BDP1: variants seen among roughly 807,000 people sequenced by gnomAD.
BDP1 encodes the protein transcription factor TFIIIB component B'' homolog.
In BDP1, 169 loss-of-function variants were observed where a neutral mutation model predicts 266.6. That is an observed-to-expected ratio of 0.63 (90% CI 0.56 to 0.72). The LOEUF is 0.72. BDP1 is among the 30% of genes least tolerant of loss of function. BDP1 has a pLI of 0.00. For synonymous variants in BDP1, 1,090 were observed against 1,022.4 expected (o/e 1.07, Z -1.26); for missense variants, 3,015 against 3,053.8 (o/e 0.99, Z 0.30).
chr5:71,533,430 C>T (rs958535315), intron 26 of BDP1, among the ~76,000 whole-genome samples: 6 of 151,614 alleles, frequency 4.0e-5, no homozygotes, highest in African/African-American at 9.7e-5. Flanking sequence ...CATGTCCTTG[C>T]CGGCACTTGT....
Position 71,549,571 on chromosome 5 carries a change from C to T in BDP1, c.6960C>T (p.Val2320=), listed in dbSNP as rs369151682. 8.1e-6 allele frequency: 13 copies of T among 1,611,402 alleles called. No homozygotes were observed. In the East Asian group the frequency reaches 2.0e-4, roughly 25 times the overall value. The change falls in exon 34 of 39, where the codon GTC becomes GTT. Residue 2320 remains valine, a synonymous_variant. Transcript: ENST00000358731. The part of the protein sequence containing the change: ...PNPLLPAPIL[V]KSVNTEERGD... ...CTTTACTGCCAGCTCCCATATTGGT[C>T]AAATCAGTGAATACCGAAGAAAGGG...
chr5:71,477,639 T>C (rs1030704027), intron 7 of BDP1, among the ~76,000 whole-genome samples: 17 of 151,442 alleles, frequency 1.1e-4, no homozygotes, highest in Non-Finnish European at 2.5e-4. Flanking sequence ...TTTTTTTTGA[T>C]ATAGGGTCTC....
chr5:71,472,388 G>A (rs1377130633), intron 7 of BDP1, among the ~76,000 whole-genome samples: 1 of 152,228 alleles, frequency 6.6e-6, no homozygotes, highest in Non-Finnish European at 1.5e-5. Context: ...CTGAACCCGG[G>A]AGGTGGAGGT....
intron 16 of BDP1, among the ~76,000 whole-genome samples, chr5:71,506,339 G>A (rs1363990473): frequency 6.6e-6 from 1 of 152,094 alleles, no homozygotes; most frequent in Admixed American, 6.6e-5. Flanking sequence ...ATCCTCAAAA[G>A]CAATTCTAAG....
intron 7 of BDP1, among the ~76,000 whole-genome samples, chr5:71,480,560 G>A (rs1384637411): frequency 8.8e-6 from 1 of 113,338 alleles, no homozygotes; most frequent in Admixed American, 1.1e-4. Context: ...GTGAGCCACT[G>A]TGCCCGGCCA....
Position 71,455,720 on chromosome 5 carries a change from G to T in BDP1, c.-158G>T. The T allele has an allele frequency of 1.6e-6, 1 of 638,212 alleles. No homozygotes were observed. The highest frequency in any genetic ancestry group is 2.7e-6 in the Non-Finnish European group (1 of 370,346). The allele number at this position is 638,212 out of a possible 1,614,324, so 39.5% of individuals were successfully genotyped here. A position where few individuals can be genotyped will look rare whatever the true frequency, so the allele number is the denominator to read the frequency against. Reference sequence around the variant, plus strand: ...GCGGCGGCGGCGGGAGAGAGGAGGAGGCGGCGGCGGGGCAGTGAAACTACG... The same window carrying T: ...GCGGCGGCGGCGGGAGAGAGGAGGATGCGGCGGCGGGGCAGTGAAACTACG... On this transcript the variant is annotated 5_prime_UTR_variant, in exon 1 of 39. In the 5' UTR this introduces an upstream ATG that the reference lacks. Coordinates refer to ENST00000358731, the MANE Select transcript of BDP1 (RefSeq NM_018429.3).
intron 16 of BDP1, among the ~76,000 whole-genome samples, chr5:71,508,156 G>T (rs188385598): frequency 6.6e-6 from 1 of 152,052 alleles, no homozygotes; most frequent in South Asian, 2.1e-4. Flanking sequence ...GTAGAGACAG[G>T]GTTTCATCAT....
Position 71,470,612 on chromosome 5 carries a change from A to G in BDP1, c.1014+123A>G, listed in dbSNP as rs114631548. On this transcript the variant is annotated intron_variant, in intron 7 of 38. Coordinates refer to ENST00000358731, the MANE Select transcript of BDP1 (RefSeq NM_018429.3). ...TCTTTTTTTTTTTTTTCATTGAGAC[A>G]GAGTTTCACTTTGTTGCCCAGGCTG... 714 of 669,862 alleles carry G rather than the reference A, an allele frequency of 1.1e-3. 8 individuals carry two copies. In the African/African-American group the frequency reaches 0.012, roughly 11 times the overall value. 41.5% of individuals were successfully genotyped at this position (669,862 alleles called of 1,614,324 possible).
rs1200678294 is a variant in BDP1, at chr5:71,495,083, A to T, written c.1641-167A>T. ...CTGGAGGTACAGTTTTTATAACATG[A>T]TGCAAGATGGATCATAGAAAAGCTA... On this transcript the variant is annotated intron_variant, in intron 11 of 38. Coordinates refer to ENST00000358731, the MANE Select transcript of BDP1 (RefSeq NM_018429.3). The T allele has an allele frequency of 7.2e-6, 3 of 416,670 alleles. No individual in the cohort carries two copies. The Admixed American group carries it at 1.2e-4, about 17-fold the overall frequency. 25.8% of individuals were successfully genotyped at this position (416,670 alleles called of 1,614,324 possible). A position where few individuals can be genotyped will look rare whatever the true frequency, so the allele number is the denominator to read the frequency against.
intron 8 of BDP1, among the ~76,000 whole-genome samples, chr5:71,484,888 A>G (rs1177855436): frequency 2.0e-5 from 3 of 152,068 alleles, no homozygotes; most frequent in African/African-American, 7.2e-5. Flanking sequence ...TAGCATGTAT[A>G]TTTATTTTAT....
At chr5:71,504,487 A>T in intron 15 of BDP1, 134 bp from the exon 16 acceptor site, 1 of 766,788 alleles carries the variant, frequency 1.3e-6, no homozygotes, top group East Asian at 2.8e-5. Flanking sequence ...AAAAAACATT[A>T]AAAGTATTTT....
intron 25 of BDP1, among the ~76,000 whole-genome samples, chr5:71,524,683 G>T (rs1471628018): frequency 6.7e-6 from 1 of 148,852 alleles, no homozygotes; most frequent in African/African-American, 2.5e-5. Flanking sequence ...TTCTCGCAGA[G>T]GGGGATTTGG....
In BDP1 at chr5:71,556,871, A is replaced by C; in HGVS notation, c.7201-15A>C. ...GATAAATTTCTAAATTTTTTTTTAAATTTTCTTAAAATAGGTGCACTCAAA... is the reference window on the plus strand; with the variant it reads ...GATAAATTTCTAAATTTTTTTTTAACTTTTCTTAAAATAGGTGCACTCAAA... On this transcript the variant is annotated splice_polypyrimidine_tract_variant and intron_variant, in intron 35 of 38. Transcript: ENST00000358731. 5 of 1,319,826 alleles carry C rather than the reference A, an allele frequency of 3.8e-6. No homozygotes were observed. The highest frequency in any genetic ancestry group is 5.1e-6 in the Non-Finnish European group (5 of 974,620). The allele number at this position is 1,319,826 out of a possible 1,614,324, so 81.8% of individuals were successfully genotyped here. A position where few individuals can be genotyped will look rare whatever the true frequency, so the allele number is the denominator to read the frequency against.
rs1373587799 is a variant in BDP1, at chr5:71,564,849, C to A, written c.7839C>A (p.Phe2613Leu). 1 of 1,610,164 alleles carries A rather than the reference C, an allele frequency of 6.2e-7. No homozygotes were observed. Residue 2613 changes from phenylalanine (F) to leucine (L), a missense_variant, in exon 39 of 39, where the codon TTC becomes TTA. Around this residue, in one of 3 missense-constraint regions of BDP1, gnomAD observed 629 missense variants for 632.5 expected, o/e 0.99. Transcript: ENST00000358731. Reference protein sequence around the residue: ...GEATTVSEYFFNDIFIEVDET... With the variant: ...GEATTVSEYFLNDIFIEVDET... ...CAACCACAGTCTCTGAATATTTCTT[C>A]AATGATATCTTCATTGAAGTGGATG...
rs576907975 is a variant in BDP1, at chr5:71,552,655, C to CA, written c.6996-454dup. On this transcript the variant is annotated intron_variant, in intron 34 of 38. Transcript: ENST00000358731. Reference sequence around the variant, plus strand: ...CAACACAGCGAAACCCCGTCTCCACCAAAAAAATACGAAAACCAGTCAGGT... The same window carrying CA: ...CAACACAGCGAAACCCCGTCTCCACCAAAAAAAATACGAAAACCAGTCAGGT... Among the ~76,000 whole-genome samples the CA allele has an allele frequency of 7.5e-4, 114 of 152,326 alleles. 1 individual carries two copies. The South Asian group carries it at 0.023, about 30-fold the overall frequency.
rs756315011 is a variant in BDP1, at chr5:71,510,752, A to G, written c.3660A>G (p.Val1220=). The G allele has an allele frequency of 4.3e-6, 7 of 1,614,156 alleles. No individual in the cohort carries two copies. The East Asian group carries it at 1.3e-4, about 31-fold the overall frequency. Residue 1220 remains valine (V), a synonymous_variant, in exon 17 of 39, where the codon GTA becomes GTG. Transcript: ENST00000358731. ...ATGGCCCAGAGGAGGTCAAGCCTGT[A>G]GGTAAAATGGAGACAGATTTGAAAG... ...QENGPEEVKP[V]GKMETDLKEI...
At position 71,522,794 on chromosome 5, in the gene BDP1, A is replaced by G. The variant is rs1457772673; in HGVS notation, c.5232A>G (p.Ala1744=). 3 of 1,607,126 alleles carry G rather than the reference A, an allele frequency of 1.9e-6. No individual in the cohort carries two copies. Among genetic ancestry groups the G allele is most frequent in the South Asian group, 2.3e-5 (2 of 88,450 alleles). The change falls in exon 24 of 39, where the codon GCA becomes GCG. Residue 1744 remains alanine (A), a synonymous_variant. Coordinates refer to ENST00000358731, the MANE Select transcript of BDP1 (RefSeq NM_018429.3). ...TTCTGACATCTCTGGAGGTTTCAGCAAGAAAAGATTGTGTAGGTTCCAAAG... is the reference window on the plus strand; with the variant it reads ...TTCTGACATCTCTGGAGGTTTCAGCGAGAAAAGATTGTGTAGGTTCCAAAG... The part of the protein sequence containing the change: ...AELLTSLEVS[A]RKDCVGSKES...
chr5:71,485,205 CAG>C (rs1438862052), intron 8 of BDP1, among the ~76,000 whole-genome samples: 1 of 152,152 alleles, frequency 6.6e-6, no homozygotes, highest in Non-Finnish European at 1.5e-5. Context: ...CAGCTACTCT[CAG>C]GAGTCGCTGA....
chr5:71,574,910 A>T, the BDP1 span, among the ~76,000 whole-genome samples: 1 of 152,232 alleles, frequency 6.6e-6, no homozygotes, highest in Non-Finnish European at 1.5e-5. Context: ...TTATGGGCTT[A>T]TGGATATGGG....
Sources: allele counts gnomAD v4.1 joint callset (sites outside exome capture counted in the v4.1 genomes callset), GRCh38; gene constraint gnomAD v4.1.1; regional missense constraint gnomAD v4.1.1; transcripts MANE v1.5; gene names NCBI Gene and HGNC (gene_info 2026-07-23, HGNC 2026-07-21).